SNX13: variants seen among roughly 807,000 people sequenced by gnomAD.
The protein encoded by SNX13 is sorting nexin-13.
In SNX13, 45 loss-of-function variants were observed where a neutral mutation model predicts 133.6. The observed-to-expected ratio is 0.34, with a 90% CI of 0.27 to 0.43. SNX13 has a LOEUF of 0.43. Ranked by LOEUF, SNX13 falls within the 20% of genes least tolerant of loss-of-function variation. SNX13 has a pLI of 1.00. For missense variants in SNX13, 1,032 were observed against 1,145.1 expected, an observed-to-expected ratio of 0.90 and a Z score of 1.43; for synonymous variants, 414 against 373.9, an observed-to-expected ratio of 1.11 and a Z score of -1.24.
chr7:17,828,107 CTTTT>C (rs1422443862), intron 16 of SNX13, among the ~76,000 whole-genome samples: 1 of 151,600 alleles, frequency 6.6e-6, no homozygotes, highest in Non-Finnish European at 1.5e-5. Flanking sequence ...GGAGAAATGT[CTTTT>C]TGTCTCTTAA....
chr7:17,831,291 G>A (rs1300691392), intron 15 of SNX13: 2 of 953,166 alleles, frequency 2.1e-6, no homozygotes, highest in African/African-American at 3.5e-5. Context: ...TCAACATGGT[G>A]AGACAAATAA....
At chr7:17,939,752 C>A (rs1330111760) in intron 1 of SNX13, among the ~76,000 whole-genome samples, 2 of 152,180 alleles carry the variant, frequency 1.3e-5, no homozygotes, top group Non-Finnish European at 2.9e-5. Context: ...CCAACTGAGC[C>A]ATACATGTGC....
At chr7:17,794,437 C>A (rs1172605777) in intron 25 of SNX13, 145 bp from the exon 26 acceptor site, 1 of 1,000,322 alleles carries the variant, frequency 1.0e-6, no homozygotes, top group Admixed American at 3.0e-5. Flanking sequence ...TGTACTATAG[C>A]TGAAACTTAA....
chr7:17,891,720 C>G, intron 3 of SNX13, 85 bp from the exon 4 acceptor site: 1 of 814,826 alleles, frequency 1.2e-6, no homozygotes, highest in Non-Finnish European at 2.0e-6. Context: ...CTCAATGTAA[C>G]ATCCCTTCAT....
intron 1 of SNX13, among the ~76,000 whole-genome samples, chr7:17,913,495 A>G (rs566658236): frequency 6.6e-6 from 1 of 152,274 alleles, no homozygotes; most frequent in South Asian, 2.1e-4. Flanking sequence ...CCACCTGCCA[A>G]TTCTTAATCT....
intron 22 of SNX13, among the ~76,000 whole-genome samples, 189 bp downstream of exon 22, chr7:17,801,399 G>A (rs1414793954): frequency 6.6e-6 from 1 of 151,752 alleles, no homozygotes; most frequent in African/African-American, 2.4e-5. Flanking sequence ...GGCTTTTCTG[G>A]AGTAGTGATA....
At chr7:17,914,524 G>A (rs570153899) in intron 1 of SNX13, among the ~76,000 whole-genome samples, 5 of 152,092 alleles carry the variant, frequency 3.3e-5, no homozygotes, top group African/African-American at 4.8e-5. Context: ...AACTAACAGC[G>A]GACTTCTCAG....
chr7:17,863,868 G>C (rs1793044899), intron 9 of SNX13, among the ~76,000 whole-genome samples: 1 of 152,186 alleles, frequency 6.6e-6, no homozygotes, highest in Admixed American at 6.5e-5. Context: ...GAGCATGAAA[G>C]ACTTTGTCTG....
intron 9 of SNX13, among the ~76,000 whole-genome samples, chr7:17,852,110 G>A (rs1791282486): frequency 6.6e-6 from 1 of 152,210 alleles, no homozygotes; most frequent in Non-Finnish European, 1.5e-5. Flanking sequence ...GCCAGGTGCA[G>A]TGCTTGTAAT....
chr7:17,855,196 A>C (rs1296504303), intron 9 of SNX13, among the ~76,000 whole-genome samples: 2 of 152,196 alleles, frequency 1.3e-5, no homozygotes, highest in Non-Finnish European at 2.9e-5. Flanking sequence ...AGAGGTAAGG[A>C]AACTGCAGAA....
At chr7:17,936,349 A>G (rs1802023294) in intron 1 of SNX13, among the ~76,000 whole-genome samples, 1 of 152,222 alleles carries the variant, frequency 6.6e-6, no homozygotes, top group Admixed American at 6.5e-5. Context: ...GTTAACTCTG[A>G]GAATCAGTGT....
chr7:17,865,423 A>AG (rs1199613255), intron 9 of SNX13, among the ~76,000 whole-genome samples: 4 of 152,176 alleles, frequency 2.6e-5, no homozygotes, highest in African/African-American at 9.6e-5. Flanking sequence ...AACTTAACCA[A>AG]GGAAGTAAAA....
Position 17,890,497 on chromosome 7 carries a change from T to C in SNX13, c.319-13A>G, listed in dbSNP as rs1233882644. On this transcript the variant is annotated splice_polypyrimidine_tract_variant and intron_variant, in intron 4 of 25. Transcript: ENST00000428135. ...AAAACTGGATAACCTATAACAAAAATATTGGAAAAAAAATTACAACATTTT... is the reference window on the plus strand; with the variant it reads ...AAAACTGGATAACCTATAACAAAAACATTGGAAAAAAAATTACAACATTTT... The C allele has an allele frequency of 6.5e-7, 1 of 1,535,396 alleles. No individual in the cohort carries two copies. Among genetic ancestry groups the C allele is most frequent in the Non-Finnish European group, 8.8e-7 (1 of 1,140,594 alleles).
chr7:17,870,062 T>C (rs369748428), intron 8 of SNX13, among the ~76,000 whole-genome samples: 4 of 152,320 alleles, frequency 2.6e-5, no homozygotes, highest in East Asian at 3.9e-4. Context: ...GCTAGTCATA[T>C]GACTCAAGGT....
intron 17 of SNX13, among the ~76,000 whole-genome samples, chr7:17,823,281 C>T (rs1271177292): frequency 6.6e-6 from 1 of 152,150 alleles, no homozygotes; most frequent in Admixed American, 6.6e-5. Flanking sequence ...CATGATATCT[C>T]ATAGCAGTTC....
At chr7:17,927,745 A>T (rs1488059196) in intron 1 of SNX13, among the ~76,000 whole-genome samples, 1 of 152,186 alleles carries the variant, frequency 6.6e-6, no homozygotes, top group Non-Finnish European at 1.5e-5. Flanking sequence ...GATAGTACTT[A>T]AAATCCTCAA....
rs200471834 is a variant in SNX13, at chr7:17,862,819, A to G, written c.837+5588T>C. 1.2e-4 allele frequency among the ~76,000 whole-genome samples: 19 copies of G among 152,282 alleles called. No individual in the cohort carries two copies. The East Asian group carries it at 3.5e-3, about 28-fold the overall frequency. ...GGCCAAGTAGAGCCCTCCAGCGATC[A>G]TCCTCCCCACAGGAACACCATATTA... On this transcript the variant is annotated intron_variant, in intron 9 of 25. Coordinates refer to ENST00000428135, the MANE Select transcript of SNX13 (RefSeq NM_015132.5).
chr7:17,827,388 G>C (rs1788030649), intron 16 of SNX13, among the ~76,000 whole-genome samples: 1 of 151,900 alleles, frequency 6.6e-6, no homozygotes, highest in East Asian at 1.9e-4. Context: ...ATGTGAATGA[G>C]CTTTTGAGTC....
At chr7:17,902,237 T>C (rs1310056913) in intron 1 of SNX13, among the ~76,000 whole-genome samples, 6 of 132,918 alleles carry the variant, frequency 4.5e-5, no homozygotes, top group Non-Finnish European at 9.5e-5. Flanking sequence ...GTCATTACTG[T>C]CATGGTTTTT....
Sources: allele counts gnomAD v4.1 joint callset (sites outside exome capture counted in the v4.1 genomes callset), GRCh38; gene constraint gnomAD v4.1.1; transcripts MANE v1.5; gene names NCBI Gene and HGNC (gene_info 2026-07-23, HGNC 2026-07-21).